Variants in MRAP2 observed in about 807,000 individuals in gnomAD.
MRAP2 encodes melanocortin-2 receptor accessory protein 2.
MRAP2 carries 20 observed loss-of-function variants against 17.4 expected under a neutral mutation model. The observed-to-expected ratio is 1.15, with a 90% CI of 0.81 to 1.67. The LOEUF is 1.67. Ranked by LOEUF, MRAP2 falls within the 40% of genes most tolerant of loss-of-function variation. MRAP2 has a pLI of 0.00. For synonymous variants in MRAP2, 96 were observed against 88.4 expected (o/e 1.09, Z -0.48); for missense variants, 238 against 240.0 (o/e 0.99, Z 0.05).
At chr6:84,081,807 G>C (rs544111365) in intron 3 of MRAP2, among the ~76,000 whole-genome samples, 12 of 152,154 alleles carry the variant, frequency 7.9e-5, no homozygotes, top group African/African-American at 2.9e-4. Context: ...GACATAACAA[G>C]ACTCCATCTT....
chr6:84,120,285 G>A, the MRAP2 span, among the ~76,000 whole-genome samples: 1 of 152,146 alleles, frequency 6.6e-6, no homozygotes, highest in Non-Finnish European at 1.5e-5. Flanking sequence ...TTGGTCTACT[G>A]ATTCAAATGC....
intron 2 of MRAP2, among the ~76,000 whole-genome samples, chr6:84,061,575 G>C (rs2099493183): frequency 6.6e-6 from 1 of 152,242 alleles, no homozygotes; most frequent in Non-Finnish European, 1.5e-5. Flanking sequence ...AGGCTTAGTA[G>C]ATAGTGTAGC....
At chr6:84,103,942 T>C in the MRAP2 span, among the ~76,000 whole-genome samples, 1 of 152,220 alleles carries the variant, frequency 6.6e-6, no homozygotes, top group Non-Finnish European at 1.5e-5. Context: ...TGCTCCTCTA[T>C]AGTCTACTCC....
chr6:84,033,954 T>C (rs2099485254), intron 1 of MRAP2, 71 bp downstream of exon 1: 5 of 978,430 alleles, frequency 5.1e-6, no homozygotes, highest in Admixed American at 6.1e-5. Context: ...CGCGTGCAGC[T>C]TTGGTCAAGG....
intron 3 of MRAP2, among the ~76,000 whole-genome samples, chr6:84,088,209 A>G (rs2099500962): frequency 2.0e-5 from 3 of 152,196 alleles, no homozygotes; most frequent in Admixed American, 2.0e-4. Flanking sequence ...TGTGCCTTTA[A>G]GGAGTCACTA....
intron 2 of MRAP2, among the ~76,000 whole-genome samples, chr6:84,058,832 G>A (rs1310394975): frequency 6.6e-6 from 1 of 152,202 alleles, no homozygotes; most frequent in African/African-American, 2.4e-5. Context: ...CTGCTATTAG[G>A]TCAAGTTAAT....
chr6:84,050,838 C>T (rs574573889), intron 1 of MRAP2, among the ~76,000 whole-genome samples: 99 of 152,304 alleles, frequency 6.5e-4, no homozygotes, highest in Admixed American at 1.7e-3. Context: ...CAATTGGGAA[C>T]TTTGATCATC....
At chr6:84,107,276 A>T in the MRAP2 span, among the ~76,000 whole-genome samples, 1 of 152,182 alleles carries the variant, frequency 6.6e-6, no homozygotes, top group Non-Finnish European at 1.5e-5. Flanking sequence ...AACTAGGTCC[A>T]CTAGGCATTG....
At chr6:84,102,518 A>G in the MRAP2 span, among the ~76,000 whole-genome samples, 1 of 152,218 alleles carries the variant, frequency 6.6e-6, no homozygotes, top group Non-Finnish European at 1.5e-5. Flanking sequence ...GCAAGAAAAC[A>G]GATTCTTTTC....
intron 1 of MRAP2, among the ~76,000 whole-genome samples, chr6:84,038,487 T>C (rs1468733444): frequency 6.6e-6 from 1 of 151,966 alleles, no homozygotes; most frequent in Non-Finnish European, 1.5e-5. Context: ...ATATTTCTTA[T>C]TTATTTATTT....
chr6:84,080,562 A>G (rs1335652600), intron 3 of MRAP2, among the ~76,000 whole-genome samples: 1 of 152,186 alleles, frequency 6.6e-6, no homozygotes, highest in African/African-American at 2.4e-5. Context: ...CCTTTTAGCC[A>G]CATTTGAGCA....
At chr6:84,111,815 G>T in the MRAP2 span, among the ~76,000 whole-genome samples, 2 of 152,116 alleles carry the variant, frequency 1.3e-5, no homozygotes, top group Admixed American at 1.3e-4. Context: ...TAGCATGAAG[G>T]GCTGTTGAAT....
the MRAP2 span, among the ~76,000 whole-genome samples, chr6:84,132,608 G>A: frequency 6.6e-6 from 1 of 151,936 alleles, no homozygotes; most frequent in South Asian, 2.1e-4. Flanking sequence ...TTCAATCACT[G>A]ATACCCTTTC....
chr6:84,042,305 T>C (rs2099487803), intron 1 of MRAP2, among the ~76,000 whole-genome samples: 1 of 152,152 alleles, frequency 6.6e-6, no homozygotes. Context: ...AATTACCCAG[T>C]CTCAGGTATG....
At chr6:84,055,046 T>C (rs1273076418) in intron 1 of MRAP2, among the ~76,000 whole-genome samples, 2 of 152,214 alleles carry the variant, frequency 1.3e-5, no homozygotes, top group Non-Finnish European at 1.5e-5. Flanking sequence ...ACATTTGTTA[T>C]GTGCCAGGCA....
the MRAP2 span, among the ~76,000 whole-genome samples, chr6:84,113,525 T>C: frequency 3.3e-5 from 5 of 152,358 alleles, no homozygotes; most frequent in African/African-American, 9.6e-5. Context: ...TGATGGGTCT[T>C]GACTCTTTAT....
intron 3 of MRAP2, among the ~76,000 whole-genome samples, chr6:84,088,092 T>G (rs1467954897): frequency 6.6e-6 from 1 of 152,192 alleles, no homozygotes; most frequent in Non-Finnish European, 1.5e-5. Context: ...GGAAGAGATT[T>G]AAGAACTGGA....
At position 84,090,487 on chromosome 6, in the gene MRAP2, G is replaced by T. The variant is rs988713414; in HGVS notation, c.*1006G>T. On this transcript the variant is annotated 3_prime_UTR_variant, in exon 4 of 4. Coordinates refer to ENST00000257776, the MANE Select transcript of MRAP2 (RefSeq NM_138409.4). ...GTACTCTTGTCCCCAAGAAATGTTA[G>T]GAAGCTTGTCAGCTGAATGAGAGGA... 5.3e-5 allele frequency: 8 copies of T among 152,222 alleles called. No homozygotes were observed. Among genetic ancestry groups the T allele is most frequent in the African/African-American group, 1.9e-4 (8 of 41,436 alleles). The allele number at this position is 152,222 out of a possible 1,614,324, so 9.4% of individuals were successfully genotyped here. A position where few individuals can be genotyped will look rare whatever the true frequency, so the allele number is the denominator to read the frequency against.
the MRAP2 span, among the ~76,000 whole-genome samples, chr6:84,131,536 T>C: frequency 6.6e-6 from 1 of 152,242 alleles, no homozygotes; most frequent in Non-Finnish European, 1.5e-5. Context: ...GCTCCTGCAT[T>C]GGGTGCATAT....
Sources: allele counts gnomAD v4.1 joint callset (sites outside exome capture counted in the v4.1 genomes callset), GRCh38; gene constraint gnomAD v4.1.1; transcripts MANE v1.5; gene names NCBI Gene and HGNC (gene_info 2026-07-23, HGNC 2026-07-21).